Variants in IL17RC observed in about 807,000 individuals in gnomAD.
IL17RC encodes the protein interleukin-17 receptor C.
Under a neutral mutation model 86.7 loss-of-function variants are expected in IL17RC, and 53 were observed. The observed-to-expected ratio is 0.61, with a 90% CI of 0.49 to 0.77. IL17RC has a LOEUF of 0.77. Ranked by LOEUF, IL17RC falls within the 30% of genes least tolerant of loss-of-function variation. The pLI is 0.00. For missense variants in IL17RC, 957 were observed against 940.0 expected, an observed-to-expected ratio of 1.02 and a Z score of -0.24; for synonymous variants, 439 against 413.1, an observed-to-expected ratio of 1.06 and a Z score of -0.76.
At chr3:9,926,183 A>G (rs2084054569) in intron 9 of IL17RC, among the ~76,000 whole-genome samples, 1 of 150,940 alleles carries the variant, frequency 6.6e-6, no homozygotes, top group Non-Finnish European at 1.5e-5. Context: ...ACAGGCACAC[A>G]CCACCATGCC....
chr3:9,931,871 T>TAAAAA (rs36000537), intron 16 of IL17RC, among the ~76,000 whole-genome samples: 1 of 116,578 alleles, frequency 8.6e-6, no homozygotes, highest in South Asian at 2.7e-4. Flanking sequence ...CAATTGGAGG[T>TAAAAA]AAAAAAAAAA....
In IL17RC at chr3:9,928,425, CG is replaced by C. The variant is rs1348346599; in HGVS notation, c.1001del (p.Gly334ValfsTer28). ...PAEAALCWRA[P>X]GGDPCQPLVP... ...GAAGCGGCACTGTGCTGGCGGGCTC[CG>C]GGTGGGGACCCCTGCCAGCCACTGG... On this transcript the variant is annotated frameshift_variant, in exon 11 of 19. Transcript: ENST00000403601. LOFTEE classifies it high-confidence loss of function. The C allele has an allele frequency of 6.2e-7, 1 of 1,606,438 alleles. No individual in the cohort carries two copies. Among genetic ancestry groups the C allele is most frequent in the Non-Finnish European group, 8.5e-7 (1 of 1,178,836 alleles).
rs776162312 is a variant in IL17RC, at chr3:9,920,966, T to TGGGGTAG, written c.622+1_622+7dup. 9.5e-6 allele frequency: 15 copies of TGGGGTAG among 1,586,656 alleles called. No homozygotes were observed. Among genetic ancestry groups the TGGGGTAG allele is most frequent in the Non-Finnish European group, 9.4e-6 (11 of 1,168,674 alleles). On this transcript the variant is annotated frameshift_variant, in exon 7 of 19. Coordinates refer to ENST00000403601, the MANE Select transcript of IL17RC (RefSeq NM_153460.4). LOFTEE classifies it high-confidence loss of function. Reference sequence around the variant, plus strand: ...AGTCTGGAACAGCATCCCGAGCTGCTGGGGTAGGGGCTAGGGCCAGTGGGC... The same window carrying TGGGGTAG: ...AGTCTGGAACAGCATCCCGAGCTGCTGGGGTAGGGGGTAGGGGCTAGGGCCAGTGGGC...
In IL17RC at chr3:9,933,300, C is replaced by T. The variant is rs112129530; in HGVS notation, c.1870C>T (p.Arg624Trp). The stretch of plus-strand genomic sequence containing the variant: ...CGTGCTGCCCGACTTCTTGCAGGGC[C>T]GGGCGCCCGGCAGCTACGTGGGGGC... ...SCVLPDFLQGRAPGSYVGACF... is the reference protein window; with the variant it reads ...SCVLPDFLQGWAPGSYVGACF... Residue 624 changes from arginine (R) to tryptophan (W), a missense_variant, in exon 19 of 19, where the codon CGG (arginine) becomes TGG (tryptophan). Coordinates refer to ENST00000403601, the MANE Select transcript of IL17RC (RefSeq NM_153460.4). 1.9e-6 allele frequency: 3 copies of T among 1,604,446 alleles called. No individual in the cohort carries two copies. Among genetic ancestry groups the T allele is most frequent in the Admixed American group, 1.7e-5 (1 of 58,950 alleles).
chr3:9,921,445 A>T (rs904034328), intron 7 of IL17RC, among the ~76,000 whole-genome samples: 1 of 143,894 alleles, frequency 6.9e-6, no homozygotes, highest in African/African-American at 2.7e-5. Flanking sequence ...ACAGAGCAAG[A>T]CTCCGTCTCA....
intron 7 of IL17RC, among the ~76,000 whole-genome samples, chr3:9,922,766 T>A (rs2083688150): frequency 6.6e-6 from 1 of 152,028 alleles, no homozygotes; most frequent in Admixed American, 6.6e-5. Flanking sequence ...AGGGATGGTC[T>A]CATTCTGGTG....
Position 9,917,922 on chromosome 3 carries a change from G to A in IL17RC, c.128-1G>A, listed in dbSNP as rs760552614. The A allele has an allele frequency of 1.2e-6, 2 of 1,613,126 alleles. No homozygotes were observed. Among genetic ancestry groups the A allele is most frequent in the East Asian group, 4.5e-5 (2 of 44,890 alleles). On this transcript the variant is annotated splice_acceptor_variant, in intron 2 of 18. Transcript: ENST00000403601. LOFTEE classifies it high-confidence loss of function. Reference sequence around the variant, plus strand: ...GCTCCCACCCGCTCCTCCACACACAGACAGTGACATACTCTGCCTGCCTGG... The same window carrying A: ...GCTCCCACCCGCTCCTCCACACACAAACAGTGACATACTCTGCCTGCCTGG...
intron 7 of IL17RC, among the ~76,000 whole-genome samples, chr3:9,921,757 T>C (rs1392960483): frequency 6.7e-6 from 1 of 150,230 alleles, no homozygotes; most frequent in African/African-American, 2.4e-5. Context: ...CCCGAGTAGC[T>C]GGGACTACAG....
At position 9,923,919 on chromosome 3, in the gene IL17RC, G is replaced by A. The variant is rs777119730; in HGVS notation, c.661G>A (p.Val221Met). The part of the protein sequence containing the change: ...WLNVSADGDN[V>M]HLVLNVSEEQ... The stretch of plus-strand genomic sequence containing the variant: ...CAACGTGTCAGCAGATGGTGACAAC[G>A]TGCATCTGGTTCTGAATGTCTCTGA... Residue 221 changes from valine (V) to methionine (M), a missense_variant, in exon 8 of 19, where the codon GTG becomes ATG. Transcript: ENST00000403601. 39 of 1,614,154 alleles carry A rather than the reference G, an allele frequency of 2.4e-5. 1 individual carries two copies. Among genetic ancestry groups the A allele is most frequent in the South Asian group, 1.9e-4 (17 of 91,076 alleles).
intron 1 of IL17RC, 111 bp from the exon 2 acceptor site, chr3:9,917,602 G>C (rs923158328): frequency 6.2e-7 from 1 of 1,614,184 alleles, no homozygotes; most frequent in African/African-American, 1.3e-5. Context: ...CTTTCTCTGG[G>C]AGGGTCTGGG....
intron 17 of IL17RC, 22 bp from the exon 18 acceptor site, chr3:9,932,798 C>T (rs749089656): frequency 3.2e-6 from 5 of 1,573,958 alleles, no homozygotes; most frequent in Non-Finnish European, 4.3e-6. Context: ...CACTGGCTGC[C>T]TCCGCCCCTC....
intron 7 of IL17RC, 66 bp from the exon 8 acceptor site, chr3:9,923,815 G>C: frequency 6.4e-7 from 1 of 1,562,166 alleles, no homozygotes; most frequent in South Asian, 1.1e-5. Flanking sequence ...AAACTCCAAA[G>C]GGTCAGTCGG....
In IL17RC at chr3:9,928,300, T is replaced by G; in HGVS notation, c.878-5T>G. On this transcript the variant is annotated splice_polypyrimidine_tract_variant and splice_region_variant and intron_variant, in intron 10 of 18. Transcript: ENST00000403601. ...GCCTGCGGTGACTGTGCCCTTTCCT[T>G]GCAGACCCCCGCGCACACCAGAACC... 6.2e-7 allele frequency: 1 copy of G among 1,610,336 alleles called. No individual in the cohort carries two copies. The highest frequency in any genetic ancestry group is 1.1e-5 in the South Asian group (1 of 90,762).
At position 9,933,605 on chromosome 3, in the gene IL17RC, C is replaced by T. The variant is rs745988789; in HGVS notation, c.*12C>T. ...GGGACGGGACTTAAATAAAGGCAGA[C>T]GCTGTTTTTCTACCCATGTGGCCCA... On this transcript the variant is annotated 3_prime_UTR_variant, in exon 19 of 19. Transcript: ENST00000403601. 1.3e-6 allele frequency: 2 copies of T among 1,565,166 alleles called. No homozygotes were observed. The highest frequency in any genetic ancestry group is 1.8e-5 in the Admixed American group (1 of 55,354).
At chr3:9,921,242 C>T (rs1429731276) in intron 7 of IL17RC, among the ~76,000 whole-genome samples, 1 of 152,128 alleles carries the variant, frequency 6.6e-6, no homozygotes, top group Non-Finnish European at 1.5e-5. Flanking sequence ...ATCACTTGAG[C>T]TCAAAAGTTC....
chr3:9,924,317 C>T (rs772612184), intron 9 of IL17RC, 26 bp downstream of exon 9: 2 of 1,608,886 alleles, frequency 1.2e-6, no homozygotes, highest in Admixed American at 3.3e-5. Flanking sequence ...AGCTGGGTGC[C>T]AGAAGAGGAG....
chr3:9,921,080 AC>A, intron 7 of IL17RC, 111 bp downstream of exon 7: 1 of 607,354 alleles, frequency 1.6e-6, no homozygotes, highest in South Asian at 2.2e-5. Context: ...AGCTCACAGA[AC>A]ATATTCATTC....
At chr3:9,917,529 T>C (rs2083181676) in intron 1 of IL17RC, 109 bp downstream of exon 1, 1 of 1,613,968 alleles carries the variant, frequency 6.2e-7, no homozygotes, top group Admixed American at 1.7e-5. Flanking sequence ...AACTGCCCTG[T>C]CTGGTCTGTC....
Position 9,930,450 on chromosome 3 carries a change from G to C in IL17RC, c.1329G>C (p.Gln443His), listed in dbSNP as rs139689571. ...TACTACAAGACCTGCAGTCAGGCCA[G>C]TGTCTGCAGGTGAGCTGGTGGAAGA... ...EYLLQDLQSG[Q>H]CLQLWDDDLG... The change falls in exon 15 of 19, where the codon CAG becomes CAC. Residue 443 changes from glutamine to histidine, a missense_variant. Coordinates refer to ENST00000403601, the MANE Select transcript of IL17RC (RefSeq NM_153460.4). The surrounding 1 kb of genome is among the most constrained non-coding windows in gnomAD (Gnocchi z 5.8). 4 of 1,613,878 alleles carry C rather than the reference G, an allele frequency of 2.5e-6. No individual in the cohort carries two copies. The African/African-American group carries it at 4.0e-5, about 16-fold the overall frequency.
Sources: allele counts gnomAD v4.1 joint callset (sites outside exome capture counted in the v4.1 genomes callset), GRCh38; gene constraint gnomAD v4.1.1; non-coding constraint Gnocchi (gnomAD v3.1); transcripts MANE v1.5; gene names NCBI Gene and HGNC (gene_info 2026-07-23, HGNC 2026-07-21).